The following XRCC6 variants were observed in gnomAD, a reference collection of about 807,000 sequenced individuals.
XRCC6 encodes DNA repair protein Ku70.
Under a neutral mutation model 65.7 loss-of-function variants are expected in XRCC6, and 5 were observed. The observed-to-expected ratio is 0.08, with a 90% confidence interval of 0.04 to 0.16. The LOEUF is 0.16. Among genes scored for constraint, XRCC6 ranks in the 10% least tolerant of loss-of-function variants. The pLI, the probability that XRCC6 is intolerant of heterozygous loss-of-function variation, is 1.00. For synonymous variants in XRCC6, 270 were observed against 270.6 expected, an observed-to-expected ratio of 1.00 and a Z score of 0.02; for missense variants, 447 against 738.1, an observed-to-expected ratio of 0.61 and a Z score of 4.57.
intron 6 of XRCC6, 128 bp downstream of exon 6, chr22:41,637,919 G>C: frequency 1.2e-6 from 1 of 832,234 alleles, no homozygotes; most frequent in South Asian, 2.2e-5. Context: ...GAGCCTAGGA[G>C]TTGAGACCAG....
intron 5 of XRCC6, 145 bp downstream of exon 5, chr22:41,636,915 G>A: frequency 1.7e-5 from 19 of 1,089,502 alleles, no homozygotes; most frequent in Non-Finnish European, 2.4e-5. Context: ...GCCCAGTGCA[G>A]TTTTATTGCT....
intron 7 of XRCC6, among the ~76,000 whole-genome samples, chr22:41,649,570 G>A (rs1412384877): frequency 6.6e-6 from 1 of 151,876 alleles, no homozygotes; most frequent in Non-Finnish European, 1.5e-5. Flanking sequence ...AAATAGATGT[G>A]GTGGCCGGGT....
intron 3 of XRCC6, chr22:41,628,459 G>A (rs994997327): frequency 1.7e-5 from 6 of 353,962 alleles, no homozygotes; most frequent in Non-Finnish European, 2.6e-5. Context: ...TCAGGAGGCC[G>A]AGGCGAGAGG....
intron 7 of XRCC6, among the ~76,000 whole-genome samples, chr22:41,649,139 A>AAAAAATATATATATATATATATATAT: frequency 3.4e-4 from 30 of 88,694 alleles, no homozygotes; most frequent in Non-Finnish European, 5.6e-4. Flanking sequence ...AAAAAAAAAA[A>AAAAAATATATATATATATATATATAT]ATATATATAT....
intron 2 of XRCC6, among the ~76,000 whole-genome samples, chr22:41,625,758 G>A (rs2067662709): frequency 6.6e-6 from 1 of 152,194 alleles, no homozygotes; most frequent in African/African-American, 2.4e-5. Flanking sequence ...AAGCCCAGAA[G>A]TTCAAGGCTG....
intron 1 of XRCC6, 70 bp from the exon 2 acceptor site, chr22:41,621,920 C>A: frequency 2.1e-6 from 3 of 1,459,222 alleles, no homozygotes; most frequent in Non-Finnish European, 2.9e-6. Flanking sequence ...ACAGATCTCA[C>A]AAGAACCTAG....
At chr22:41,643,147 C>T (rs920143083) in intron 6 of XRCC6, among the ~76,000 whole-genome samples, 5 of 152,228 alleles carry the variant, frequency 3.3e-5, no homozygotes, top group African/African-American at 7.2e-5. Flanking sequence ...TGCGGTGGCT[C>T]ACGCCTGTAA....
intron 8 of XRCC6, 131 bp from the exon 9 acceptor site, chr22:41,653,398 C>T (rs1259682830): frequency 8.1e-6 from 7 of 864,314 alleles, no homozygotes; most frequent in African/African-American, 3.4e-5. Flanking sequence ...AGCGAGACCC[C>T]GTCTCAAATA....
At chr22:41,630,489 C>T (rs201430641) in intron 3 of XRCC6, among the ~76,000 whole-genome samples, 20 of 141,746 alleles carry the variant, frequency 1.4e-4, no homozygotes, top group East Asian at 4.1e-4. Context: ...ATTAGTGTTT[C>T]TTTTTTTTTT....
At chr22:41,658,157 C>T (rs11912946) in intron 10 of XRCC6, 95 bp from the exon 11 acceptor site, 21,377 of 1,256,280 alleles carry the variant, frequency 0.017, 473 homozygotes, top group African/African-American at 0.098. Context: ...TTTCTCAGCT[C>T]ACCCCGGACC....
chr22:41,653,806 G>A, intron 9 of XRCC6, 116 bp downstream of exon 9: 2 of 1,310,766 alleles, frequency 1.5e-6, no homozygotes, highest in Admixed American at 2.7e-5. Flanking sequence ...GCTTAAAAAT[G>A]TCTATTTTTA....
intron 2 of XRCC6, among the ~76,000 whole-genome samples, chr22:41,623,120 C>G (rs2067629388): frequency 1.3e-5 from 2 of 152,022 alleles, no homozygotes; most frequent in South Asian, 2.1e-4. Context: ...TTAATAGAGA[C>G]AGGCTGGAGT....
At chr22:41,652,035 C>G (rs28384758) in intron 8 of XRCC6, among the ~76,000 whole-genome samples, 1 of 152,204 alleles carries the variant, frequency 6.6e-6, no homozygotes, top group African/African-American at 2.4e-5. Flanking sequence ...TCACCCGCCT[C>G]GGCCTCCCAA....
Position 41,663,882 on chromosome 22 carries a change from G to A in XRCC6, c.*67G>A. The A allele has an allele frequency of 6.6e-7, 1 of 1,526,352 alleles. No individual in the cohort carries two copies. Among genetic ancestry groups the A allele is most frequent in the East Asian group, 2.3e-5 (1 of 43,666 alleles). The allele number at this position is 1,526,352 out of a possible 1,614,324, so 94.6% of individuals were successfully genotyped here. A position where few individuals can be genotyped will look rare whatever the true frequency, so the allele number is the denominator to read the frequency against. On this transcript the variant is annotated 3_prime_UTR_variant, in exon 13 of 13. Coordinates refer to ENST00000360079, the MANE Select transcript of XRCC6 (RefSeq NM_001469.5). ...GGCTGCCTGGCCTTGTCCTCAGCCA[G>A]TTAAAATGTGTTTCTCCTGAGCTAG...
intron 3 of XRCC6, among the ~76,000 whole-genome samples, chr22:41,632,167 G>A (rs1221382008): frequency 2.7e-5 from 4 of 150,336 alleles, no homozygotes; most frequent in South Asian, 4.1e-4. Context: ...GTGGGGAGAG[G>A]GATAGGGAGA....
At chr22:41,649,139 A>AAATATATATATATATATATATATATATAT in intron 7 of XRCC6, among the ~76,000 whole-genome samples, 1 of 88,726 alleles carries the variant, frequency 1.1e-5, no homozygotes, top group Non-Finnish European at 2.1e-5. Context: ...AAAAAAAAAA[A>AAATATATATATATATATATATATATATAT]ATATATATAT....
intron 9 of XRCC6, among the ~76,000 whole-genome samples, chr22:41,655,745 A>G (rs1374779082): frequency 1.3e-5 from 2 of 151,146 alleles, no homozygotes; most frequent in African/African-American, 4.9e-5. Flanking sequence ...TTTTACATAA[A>G]TTGAGACAAG....
chr22:41,628,323 C>A, intron 3 of XRCC6, 93 bp downstream of exon 3: 1 of 1,016,300 alleles, frequency 9.8e-7, no homozygotes, highest in Non-Finnish European at 1.4e-6. Flanking sequence ...CATTGGGAGG[C>A]CGAGACGGGC....
At chr22:41,645,143 A>T (rs2067918111) in intron 6 of XRCC6, among the ~76,000 whole-genome samples, 1 of 151,848 alleles carries the variant, frequency 6.6e-6, no homozygotes, top group African/African-American at 2.4e-5. Flanking sequence ...TCTACTAAAA[A>T]ATACAAAATT....
Sources: allele counts gnomAD v4.1 joint callset (sites outside exome capture counted in the v4.1 genomes callset), GRCh38; gene constraint gnomAD v4.1.1; transcripts MANE v1.5; gene names NCBI Gene and HGNC (gene_info 2026-07-23, HGNC 2026-07-21).